The following ETV1 variants were observed in gnomAD, a reference collection of about 807,000 sequenced individuals.
The protein encoded by ETV1 is ETS translocation variant 1.
ETV1 carries 27 observed loss-of-function variants against 62.3 expected under a neutral mutation model. The ratio of observed to expected loss-of-function variants is 0.43; its 90% CI spans 0.32 to 0.60. ETV1 has a LOEUF of 0.60. Among genes scored for constraint, ETV1 ranks in the 20% least tolerant of loss-of-function variants. The pLI, the probability that ETV1 is intolerant of heterozygous loss-of-function variation, is 0.06. For missense variants in ETV1, 605 were observed against 605.8 expected, an observed-to-expected ratio of 1.00 and a Z score of 0.01; for synonymous variants, 222 against 199.6, an observed-to-expected ratio of 1.11 and a Z score of -0.94.
Position 13,891,658 on chromosome 7 carries a change from G to A in ETV1, c.*4208C>T, listed in dbSNP as rs1027349958. The stretch of plus-strand genomic sequence containing the variant: ...TACTAGTTGAGCTCTGAATAAACTG[G>A]GTGAAATTTTCTAGTATCATGCCCA... On this transcript the variant is annotated 3_prime_UTR_variant, in exon 14 of 14. Transcript: ENST00000430479. 1 of 231,474 alleles carries A rather than the reference G, an allele frequency of 4.3e-6. No homozygotes were observed. Among genetic ancestry groups the A allele is most frequent in the African/African-American group, 2.2e-5 (1 of 45,144 alleles). 14.3% of individuals were successfully genotyped at this position (231,474 alleles called of 1,614,324 possible).
At chr7:13,917,051 G>A (rs528118033) in intron 9 of ETV1, among the ~76,000 whole-genome samples, 1 of 151,788 alleles carries the variant, frequency 6.6e-6, no homozygotes, top group East Asian at 1.9e-4. Flanking sequence ...GCTACATGGC[G>A]AAAAATAACA....
intron 13 of ETV1, among the ~76,000 whole-genome samples, chr7:13,896,732 A>AG (rs1562577816): frequency 3.5e-5 from 2 of 57,886 alleles, no homozygotes; most frequent in African/African-American, 7.8e-5. Context: ...AGAAAAAGAA[A>AG]AAGAAAGAAA....
chr7:13,891,788 T>C lies in ETV1; in HGVS notation c.*4078A>G, dbSNP rs1466568583. The C allele has an allele frequency of 4.3e-6, 1 of 231,696 alleles. No individual in the cohort carries two copies. The highest frequency in any genetic ancestry group is 2.2e-5 in the African/African-American group (1 of 45,268). The allele number at this position is 231,696 out of a possible 1,614,324, so 14.4% of individuals were successfully genotyped here. A position where few individuals can be genotyped will look rare whatever the true frequency, so the allele number is the denominator to read the frequency against. On this transcript the variant is annotated 3_prime_UTR_variant, in exon 14 of 14. Transcript: ENST00000430479. The stretch of plus-strand genomic sequence containing the variant: ...TTTTTCCACCATCACTTTTACCCAA[T>C]TTGTATTTTTTTAATAATTCTATTT...
chr7:13,894,287 C>A lies in ETV1; in HGVS notation c.*1579G>T. On this transcript the variant is annotated 3_prime_UTR_variant, in exon 14 of 14. Transcript: ENST00000430479. Reference sequence around the variant, plus strand: ...GAGCTATTCAGAGATTCTATATCCCCATTTACTCATGGTTTTTTCAAGGTG... The same window carrying A: ...GAGCTATTCAGAGATTCTATATCCCAATTTACTCATGGTTTTTTCAAGGTG... 1 of 231,446 alleles carries A rather than the reference C, an allele frequency of 4.3e-6. No homozygotes were observed. Among genetic ancestry groups the A allele is most frequent in the Non-Finnish European group, 8.5e-6 (1 of 116,984 alleles). 14.3% of individuals were successfully genotyped at this position (231,446 alleles called of 1,614,324 possible).
intron 9 of ETV1, among the ~76,000 whole-genome samples, chr7:13,917,845 T>C (rs1453616266): frequency 1.3e-5 from 2 of 151,678 alleles, no homozygotes; most frequent in African/African-American, 4.8e-5. Context: ...GCACCAGTAG[T>C]CCCAGCTACT....
At chr7:13,966,877 C>A (rs1166897456) in intron 6 of ETV1, among the ~76,000 whole-genome samples, 1 of 152,106 alleles carries the variant, frequency 6.6e-6, no homozygotes, top group East Asian at 1.9e-4. Context: ...TGACTTTTTT[C>A]ACCACTGTAT....
At chr7:13,971,024 T>C (rs953109314) in intron 6 of ETV1, among the ~76,000 whole-genome samples, 2 of 152,112 alleles carry the variant, frequency 1.3e-5, no homozygotes, top group Non-Finnish European at 2.9e-5. Context: ...CAGGCTGGAG[T>C]GCGATGGCAC....
chr7:13,910,875 C>T (rs914118461), intron 10 of ETV1, among the ~76,000 whole-genome samples: 2 of 152,174 alleles, frequency 1.3e-5, no homozygotes, highest in African/African-American at 2.4e-5. Context: ...TGGCATTTTA[C>T]TCCAAAACTA....
intron 9 of ETV1, among the ~76,000 whole-genome samples, chr7:13,918,145 T>G (rs1308148352): frequency 6.6e-6 from 1 of 152,148 alleles, no homozygotes; most frequent in Non-Finnish European, 1.5e-5. Flanking sequence ...TCCTCTTGTT[T>G]TCATCTCTCC....
chr7:13,911,181 G>A (rs930704892), intron 10 of ETV1, 58 bp downstream of exon 10: 45 of 1,123,630 alleles, frequency 4.0e-5, no homozygotes, highest in Non-Finnish European at 5.5e-5. Flanking sequence ...CGTCATATTT[G>A]GGATGTCTGA....
intron 5 of ETV1, among the ~76,000 whole-genome samples, chr7:13,978,333 C>T (rs1386652813): frequency 1.3e-5 from 2 of 151,828 alleles, no homozygotes; most frequent in Non-Finnish European, 1.5e-5. Flanking sequence ...ATTTAGACAT[C>T]GAAGTAACCT....
intron 11 of ETV1, among the ~76,000 whole-genome samples, chr7:13,908,196 C>A (rs1244086212): frequency 6.6e-6 from 1 of 151,946 alleles, no homozygotes; most frequent in African/African-American, 2.4e-5. Flanking sequence ...TACTATCTTC[C>A]AAAAAATGTT....
At position 13,985,653 on chromosome 7, in the gene ETV1, T is replaced by G. The variant is rs1215839481; in HGVS notation, c.181+985A>C. 7.1e-5 allele frequency: 12 copies of G among 169,952 alleles called. No homozygotes were observed. The Admixed American group carries it at 7.5e-4, about 11-fold the overall frequency. 10.5% of individuals were successfully genotyped at this position (169,952 alleles called of 1,614,324 possible). A position where few individuals can be genotyped will look rare whatever the true frequency, so the allele number is the denominator to read the frequency against. ...AAATTTGCATGTTTCCCATATAATG[T>G]GAACACACAAATAATACTGTTATAC... On this transcript the variant is annotated intron_variant, in intron 5 of 13. Transcript: ENST00000430479.
chr7:13,911,375 G>C (rs983930524), intron 9 of ETV1, 68 bp from the exon 10 acceptor site: 1 of 1,037,376 alleles, frequency 9.6e-7, no homozygotes, highest in African/African-American at 1.6e-5. Flanking sequence ...CAATGGACAG[G>C]GTGCAGACAG....
chr7:13,966,531 G>A (rs1780305769), intron 6 of ETV1, among the ~76,000 whole-genome samples: 2 of 152,026 alleles, frequency 1.3e-5, no homozygotes, highest in Non-Finnish European at 2.9e-5. Context: ...GCTGAGATGG[G>A]AGAGTCATCT....
chr7:13,964,357 C>A (rs1000924983), intron 6 of ETV1, among the ~76,000 whole-genome samples: 4 of 152,082 alleles, frequency 2.6e-5, no homozygotes, highest in Non-Finnish European at 5.9e-5. Context: ...TTGCTGGTAA[C>A]TCTGCAGCTG....
rs140700630 is a variant in ETV1, at chr7:13,901,409, T to C, written c.1111-570A>G. Among the ~76,000 whole-genome samples the C allele has an allele frequency of 5.9e-5, 9 of 152,320 alleles. No homozygotes were observed. The East Asian group carries it at 1.7e-3, about 29-fold the overall frequency. ...ACAAAATTAAATGGAAATAAGGAAA[T>C]GTTCTTACAACAGGAATGAACAGGC... On this transcript the variant is annotated intron_variant, in intron 12 of 13. Transcript: ENST00000430479.
intron 6 of ETV1, among the ~76,000 whole-genome samples, chr7:13,947,476 C>A (rs1788311715): frequency 6.6e-6 from 1 of 151,132 alleles, no homozygotes; most frequent in African/African-American, 2.4e-5. Flanking sequence ...TGATTCTCAT[C>A]AGTTAAGACA....
chr7:13,957,212 A>G (rs1789577466), intron 6 of ETV1, among the ~76,000 whole-genome samples: 1 of 151,936 alleles, frequency 6.6e-6, no homozygotes, highest in South Asian at 2.1e-4. Context: ...CAGCCTCCCA[A>G]GTAGCTGGGA....
Sources: allele counts gnomAD v4.1 joint callset (sites outside exome capture counted in the v4.1 genomes callset), GRCh38; gene constraint gnomAD v4.1.1; transcripts MANE v1.5; gene names NCBI Gene and HGNC (gene_info 2026-07-23, HGNC 2026-07-21).